SURF1: variants seen among roughly 807,000 people sequenced by gnomAD.
SURF1 encodes the protein SURF1 cytochrome c oxidase assembly factor, also known as surfeit locus protein 1.
In SURF1, 45 loss-of-function variants were observed where a neutral mutation model predicts 34.1. The ratio of observed to expected loss-of-function variants is 1.32; its 90% confidence interval spans 1.04 to 1.69. The LOEUF is 1.69. SURF1 is among the 40% of genes most tolerant of loss of function. The probability of loss-of-function intolerance (pLI) is 0.00; values close to 1 mark genes in which losing one functional copy is unlikely to be tolerated. For missense variants in SURF1, 456 were observed against 384.6 expected (o/e 1.19, Z -1.55); for synonymous variants, 188 against 147.5 (o/e 1.27, Z -1.99).
intron 4 of SURF1, 156 bp from the exon 5 acceptor site, chr9:133,354,096 T>C (rs2130016219): frequency 1.1e-5 from 9 of 810,962 alleles, no homozygotes; most frequent in Non-Finnish European, 1.9e-5. Context: ...TGTGGGAATG[T>C]GGATCTGCAC....
At chr9:133,352,234 G>C (rs1836439309) in intron 7 of SURF1, 92 bp from the exon 8 acceptor site, 3 of 1,420,744 alleles carry the variant, frequency 2.1e-6, no homozygotes, top group Admixed American at 2.0e-5. Flanking sequence ...TGGCCAGTTG[G>C]AAGTCCTGTA....
At position 133,352,502 on chromosome 9, in the gene SURF1, A is replaced by G; in HGVS notation, c.695T>C (p.Leu232Pro). 6.2e-7 allele frequency: 1 copy of G among 1,614,246 alleles called. No individual in the cohort carries two copies. Among genetic ancestry groups the G allele is most frequent in the Non-Finnish European group, 8.5e-7 (1 of 1,180,052 alleles). ...PERNHWHYRD[L>P]EAMARITGAE... ...GCCTGTGATTCTGGCCATAGCTTCC[A>G]GGTCTCGATAATGCCAGTGGTTCCT... The change falls in exon 7 of 9, where the codon CTG (leucine) becomes CCG (proline). Residue 232 changes from leucine to proline, a missense_variant. Coordinates refer to ENST00000371974, the MANE Select transcript of SURF1 (RefSeq NM_003172.4).
chr9:133,352,249 C>T, intron 7 of SURF1, 107 bp from the exon 8 acceptor site: 3 of 1,382,418 alleles, frequency 2.2e-6, no homozygotes, highest in South Asian at 1.2e-5. Context: ...CCTGTATGGC[C>T]TTTACGTTGG....
chr9:133,352,394 G>C, intron 7 of SURF1, 52 bp downstream of exon 7: 6 of 1,613,422 alleles, frequency 3.7e-6, no homozygotes, highest in Non-Finnish European at 5.1e-6. Flanking sequence ...TAGGAGGAAG[G>C]ACAGTATTCA....
chr9:133,354,192 C>T (rs1241846612), intron 4 of SURF1: 3 of 578,852 alleles, frequency 5.2e-6, no homozygotes, highest in East Asian at 3.0e-5. Flanking sequence ...ATATGTGGGC[C>T]AAAACCCCAT....
intron 7 of SURF1, 83 bp from the exon 8 acceptor site, chr9:133,352,225 G>A: frequency 6.9e-7 from 1 of 1,454,096 alleles, no homozygotes; most frequent in Non-Finnish European, 9.4e-7. Context: ...ATTTTTGCGT[G>A]GCCAGTTGGA....
intron 4 of SURF1, 122 bp from the exon 5 acceptor site, chr9:133,354,062 C>T (rs2130016157): frequency 1.8e-6 from 2 of 1,112,930 alleles, no homozygotes; most frequent in South Asian, 2.5e-5. Flanking sequence ...AGGGCGTGCT[C>T]TTCAAAGGGG....
intron 2 of SURF1, chr9:133,356,030 A>G (rs1564351011): frequency 3.4e-6 from 2 of 593,460 alleles, no homozygotes; most frequent in Admixed American, 5.6e-5. Context: ...TCTCTGTAAC[A>G]GGGGAACGAC....
intron 2 of SURF1, 125 bp from the exon 3 acceptor site, chr9:133,355,082 C>T: frequency 7.8e-7 from 1 of 1,280,278 alleles, no homozygotes; most frequent in Non-Finnish European, 1.1e-6. Context: ...ACTAGCAGCA[C>T]CTGTATCCAG....
chr9:133,352,647 G>GGGGTGT, intron 6 of SURF1, 39 bp from the exon 7 acceptor site: 1 of 1,613,796 alleles, frequency 6.2e-7, no homozygotes, highest in Non-Finnish European at 8.5e-7. Flanking sequence ...GGAGCCTGGT[G>GGGGTGT]GACTCCCAGA....
In SURF1 at chr9:133,353,753, G is replaced by A. The variant is rs1392271110; in HGVS notation, c.511C>T (p.Leu171=). The A allele has an allele frequency of 1.9e-6, 3 of 1,613,802 alleles. No homozygotes were observed. The highest frequency in any genetic ancestry group is 2.7e-5 in the African/African-American group (2 of 75,040). ...GCTCCCACATGTCCTACTCACCCCA[G>A]GTCGGTGCAGTGGAAGGGAGTGACC... ...YVVTPFHCTD[L]GVTILVNRGF... is the part of the protein sequence containing the mutation. Residue 171 remains leucine (L), a synonymous_variant, in exon 5 of 9, where the codon CTG becomes TTG. Coordinates refer to ENST00000371974, the MANE Select transcript of SURF1 (RefSeq NM_003172.4).
In SURF1 at chr9:133,352,048, G is replaced by A. The variant is rs2130003938; in HGVS notation, c.833+13C>T. ...CTGAAGGGGAGGAAGCCAGAGGGCC[G>A]CTGGGGACTCACCAGGTCACGATGT... is the stretch of plus-strand genomic sequence containing the variant. On this transcript the variant is annotated intron_variant, in intron 8 of 8. Coordinates refer to ENST00000371974, the MANE Select transcript of SURF1 (RefSeq NM_003172.4). 7.6e-5 allele frequency: 122 copies of A among 1,611,974 alleles called. No individual in the cohort carries two copies. In the African/African-American group the frequency reaches 1.0e-3, roughly 14 times the overall value.
intron 2 of SURF1, 58 bp from the exon 3 acceptor site, chr9:133,355,015 C>A: frequency 6.2e-7 from 1 of 1,605,300 alleles, no homozygotes. Context: ...AGACCTGGAG[C>A]AGCCCGTTCC....
Position 133,356,401 on chromosome 9 carries a change from CG to C in SURF1, c.52del (p.Arg18GlyfsTer54). ...QLGLRAAGLG[R>X]APASAAWRSV... ...CCGCACCCCGCACCCGGCGCTCACCCGTCCCAGCCCCGCCGCCCGCAGCCCC... is the reference window on the plus strand; with the variant it reads ...CCGCACCCCGCACCCGGCGCTCACCCTCCCAGCCCCGCCGCCCGCAGCCCC... On this transcript the variant is annotated frameshift_variant and splice_region_variant, in exon 1 of 9. Transcript: ENST00000371974. LOFTEE classifies it high-confidence loss of function. 1.3e-6 allele frequency: 1 copy of C among 742,618 alleles called. No individual in the cohort carries two copies. Among genetic ancestry groups the C allele is most frequent in the Non-Finnish European group, 1.9e-6 (1 of 538,162 alleles). The allele number at this position is 742,618 out of a possible 1,614,324, so 46.0% of individuals were successfully genotyped here.
Position 133,353,939 on chromosome 9 carries a change from G to A in SURF1, c.325C>T (p.Pro109Ser). ...LAEPVPLPAD[P>S]MELKNLEYRP... ...TACTCCAGATTTTTCAGTTCCATTGGGCTGCATGGAGATAAGAACAGTGGC... is the reference window on the plus strand; with the variant it reads ...TACTCCAGATTTTTCAGTTCCATTGAGCTGCATGGAGATAAGAACAGTGGC... The change falls in exon 5 of 9, where the codon CCA (proline) becomes TCA (serine). Residue 109 changes from proline to serine, a missense_variant and splice_region_variant. Physicochemically the swap from Pro to Ser is moderately conservative, Grantham distance 74 (BLOSUM62 -1). Coordinates refer to ENST00000371974, the MANE Select transcript of SURF1 (RefSeq NM_003172.4). 6.2e-7 allele frequency: 1 copy of A among 1,613,828 alleles called. No homozygotes were observed. The highest frequency in any genetic ancestry group is 8.5e-7 in the Non-Finnish European group (1 of 1,180,032).
At chr9:133,352,908 G>A in intron 5 of SURF1, 142 bp from the exon 6 acceptor site, 1 of 945,708 alleles carries the variant, frequency 1.1e-6, no homozygotes, top group South Asian at 1.4e-5. Context: ...AGCCCTGGCA[G>A]TGCCACACAG....
chr9:133,354,079 G>A (rs2130016199), intron 4 of SURF1, 139 bp from the exon 5 acceptor site: 4 of 934,546 alleles, frequency 4.3e-6, no homozygotes, highest in Non-Finnish European at 6.8e-6. Context: ...GGGGAACTTT[G>A]ATGCCATGTG....
In SURF1 at chr9:133,354,773, G is replaced by A. The variant is rs2130018523; in HGVS notation, c.241-32C>T. 3.7e-6 allele frequency: 6 copies of A among 1,613,740 alleles called. No individual in the cohort carries two copies. The Admixed American group carries it at 8.3e-5, about 22-fold the overall frequency. On this transcript the variant is annotated intron_variant, in intron 3 of 8. Transcript: ENST00000371974. ...TGACAGAGCATAAGGCCAAGCAGAT[G>A]GCAGCAAGGTCAAGGGCCCAGAGTT...
chr9:133,352,699 C>T lies in SURF1; in HGVS notation c.583G>A (p.Gly195Ser). Residue 195 changes from glycine to serine, a missense_variant, in exon 6 of 9, where the codon GGC becomes AGC. Physicochemically the swap from Gly to Ser is moderately conservative, Grantham distance 56. Transcript: ENST00000371974. ...KKVNPETRQK[G>S]QIEGEVDLIG... ...GAAGAGTCCATGTCCCTTACCTGGCCTTTCTGCCGGGTTTCAGGATTCACT... is the reference window on the plus strand; with the variant it reads ...GAAGAGTCCATGTCCCTTACCTGGCTTTTCTGCCGGGTTTCAGGATTCACT... 5.6e-6 allele frequency: 9 copies of T among 1,613,628 alleles called. No individual in the cohort carries two copies. Among genetic ancestry groups the T allele is most frequent in the South Asian group, 2.2e-5 (2 of 90,966 alleles).
Sources: allele counts gnomAD v4.1 joint callset, GRCh38; gene constraint gnomAD v4.1.1; transcripts MANE v1.5; gene names NCBI Gene and HGNC (gene_info 2026-07-23, HGNC 2026-07-21).